PSD3: variants seen among roughly 807,000 people sequenced by gnomAD.
PSD3 encodes pleckstrin and Sec7 domain containing 3.
PSD3 carries 49 observed loss-of-function variants against 105.5 expected under a neutral mutation model. That is an observed-to-expected ratio of 0.46 (90% CI 0.37 to 0.59). The LOEUF (loss-of-function observed/expected upper bound fraction) is 0.59. Among genes scored for constraint, PSD3 ranks in the 20% least tolerant of loss-of-function variants. The pLI is 0.00. For missense variants in PSD3, 1,561 were observed against 1,263.8 expected (o/e 1.24, Z -3.57); for synonymous variants, 557 against 457.8 (o/e 1.22, Z -2.77).
chr8:18,830,267 G>C (rs7008742), intron 4 of PSD3, among the ~76,000 whole-genome samples: 45,818 of 152,074 alleles, frequency 0.3, 7,328 homozygotes, highest in African/African-American at 0.34. Context: ...AATGAAATAG[G>C]CTCCAGATCC....
At chr8:19,029,152 A>G (rs1385873279) in intron 1 of PSD3, among the ~76,000 whole-genome samples, 1 of 152,174 alleles carries the variant, frequency 6.6e-6, no homozygotes, top group African/African-American at 2.4e-5. Context: ...GGTTCTTTGT[A>G]TGTCCAAATA....
chr8:18,613,688 C>T (rs1016257901), intron 11 of PSD3, among the ~76,000 whole-genome samples: 3 of 152,180 alleles, frequency 2.0e-5, no homozygotes, highest in Admixed American at 1.3e-4. Context: ...CAAATGTTAT[C>T]TGTGAAACAT....
intron 9 of PSD3, among the ~76,000 whole-genome samples, chr8:18,747,900 G>A (rs945447665): frequency 7.2e-5 from 11 of 152,060 alleles, no homozygotes; most frequent in Admixed American, 2.0e-4. Flanking sequence ...TTCAGGTTTC[G>A]GTGGAAGGTG....
intron 4 of PSD3, among the ~76,000 whole-genome samples, chr8:18,828,428 A>T (rs962056367): frequency 6.6e-6 from 1 of 152,176 alleles, no homozygotes; most frequent in African/African-American, 2.4e-5. Context: ...GACCACATTC[A>T]AGCTTCGATA....
chr8:18,752,537 T>TATTATATATATAATATATATAATTA (rs1304230415), intron 9 of PSD3, among the ~76,000 whole-genome samples: 1 of 30,880 alleles, frequency 3.2e-5, no homozygotes, highest in African/African-American at 2.2e-4. Flanking sequence ...TAATTATATA[T>TATTATATATATAATATATATAATTA]TATATATATT....
At chr8:18,857,662 T>C (rs1305977379) in intron 4 of PSD3, among the ~76,000 whole-genome samples, 2 of 152,182 alleles carry the variant, frequency 1.3e-5, no homozygotes, top group African/African-American at 4.8e-5. Flanking sequence ...GACCAGTGCT[T>C]TGCAAACTTC....
rs1249881310 is a variant in PSD3, at chr8:18,615,777, T to G, written c.2411-15343A>C. Among the ~76,000 whole-genome samples the G allele has an allele frequency of 2.6e-5, 4 of 152,210 alleles. 1 individual carries two copies. The highest frequency in any genetic ancestry group is 5.9e-5 in the Non-Finnish European group (4 of 68,032). ...GAATCAGACAAGTGGGCTTGTCAAGTGACAGCAAATCAGGTTTCCTCAACC... is the reference window on the plus strand; with the variant it reads ...GAATCAGACAAGTGGGCTTGTCAAGGGACAGCAAATCAGGTTTCCTCAACC... On this transcript the variant is annotated intron_variant, in intron 11 of 15. Coordinates refer to ENST00000327040, the MANE Select transcript of PSD3 (RefSeq NM_015310.4).
chr8:18,726,433 C>G (rs879441352), intron 9 of PSD3, among the ~76,000 whole-genome samples: 10 of 152,160 alleles, frequency 6.6e-5, no homozygotes, highest in Non-Finnish European at 1.0e-4. Context: ...CTCTTGTATC[C>G]TTATTTTAAT....
intron 9 of PSD3, among the ~76,000 whole-genome samples, chr8:18,682,636 A>G (rs1364426950): frequency 6.6e-6 from 1 of 152,182 alleles, no homozygotes; most frequent in Admixed American, 6.5e-5. Context: ...AGACTCCACT[A>G]TGTCATAATG....
intron 9 of PSD3, among the ~76,000 whole-genome samples, chr8:18,725,209 G>A (rs909502009): frequency 2.6e-5 from 4 of 152,150 alleles, no homozygotes; most frequent in East Asian, 1.9e-4. Flanking sequence ...CTAACGCGAC[G>A]CAAGCCCCCC....
intron 9 of PSD3, among the ~76,000 whole-genome samples, chr8:18,682,111 T>A (rs970639275): frequency 6.6e-6 from 1 of 152,234 alleles, no homozygotes; most frequent in Non-Finnish European, 1.5e-5. Flanking sequence ...TCTTTTCATG[T>A]GGTATCTATG....
chr8:18,719,141 C>T (rs17127088), intron 9 of PSD3, among the ~76,000 whole-genome samples: 338 of 152,250 alleles, frequency 2.2e-3, no homozygotes, highest in African/African-American at 7.2e-3. Flanking sequence ...GCTTCAGAAG[C>T]GCTCTGCTCT....
intron 4 of PSD3, among the ~76,000 whole-genome samples, chr8:18,822,386 T>C (rs910653253): frequency 1.3e-5 from 2 of 152,204 alleles, no homozygotes; most frequent in Non-Finnish European, 2.9e-5. Flanking sequence ...GTTCCTTTAG[T>C]AGTAGTACAG....
intron 8 of PSD3, among the ~76,000 whole-genome samples, chr8:18,773,202 A>G (rs1428286034): frequency 2.0e-5 from 3 of 152,204 alleles, no homozygotes; most frequent in Non-Finnish European, 4.4e-5. Flanking sequence ...ACTGTGTGAT[A>G]TAAGGGTCCT....
At chr8:18,780,689 G>T (rs1040171193) in intron 8 of PSD3, among the ~76,000 whole-genome samples, 4 of 152,194 alleles carry the variant, frequency 2.6e-5, no homozygotes, top group African/African-American at 7.2e-5. Context: ...GAGTAGCTGG[G>T]ACTACAGGTG....
intron 1 of PSD3, among the ~76,000 whole-genome samples, chr8:19,032,099 C>G (rs1275056385): frequency 6.6e-6 from 1 of 152,190 alleles, no homozygotes; most frequent in Non-Finnish European, 1.5e-5. Flanking sequence ...GGATGCTAAT[C>G]TGAAACCAAT....
chr8:18,691,482 A>C (rs1800970621), intron 9 of PSD3, among the ~76,000 whole-genome samples: 1 of 152,186 alleles, frequency 6.6e-6, no homozygotes, highest in Admixed American at 6.5e-5. Flanking sequence ...GATCAGAAAA[A>C]CTTACCCTAT....
rs1274992224 is a variant in PSD3, at chr8:18,871,951, C to G, written c.913G>C (p.Glu305Gln). 6.2e-7 allele frequency: 1 copy of G among 1,614,158 alleles called. No homozygotes were observed. Among genetic ancestry groups the G allele is most frequent in the Admixed American group, 1.7e-5 (1 of 60,020 alleles). ...RVKHVEFQGV[E>Q]ILWTGGDKRE... Reference sequence around the variant, plus strand: ...TTGTCTCCTCCTGTCCACAGTATTTCCACTCCTTGAAATTCCACATGTTTG... The same window carrying G: ...TTGTCTCCTCCTGTCCACAGTATTTGCACTCCTTGAAATTCCACATGTTTG... Residue 305 changes from glutamate to glutamine, a missense_variant, in exon 3 of 16, where the codon GAA becomes CAA. Coordinates refer to ENST00000327040, the MANE Select transcript of PSD3 (RefSeq NM_015310.4).
intron 8 of PSD3, among the ~76,000 whole-genome samples, chr8:18,790,709 GC>G (rs1809637039): frequency 6.6e-6 from 1 of 151,690 alleles, no homozygotes; most frequent in African/African-American, 2.4e-5. Context: ...TGAACGCCAG[GC>G]CCCACTAGAA....
Sources: gnomAD v4.1 joint callset for allele counts (sites outside exome capture counted in the v4.1 genomes callset) on GRCh38, gnomAD v4.1.1 for gene constraint, MANE v1.5 for transcripts, NCBI Gene and HGNC (gene_info 2026-07-23, HGNC 2026-07-21) for gene names.